Variants in MAN1A2 observed in about 807,000 individuals in gnomAD.
The protein encoded by MAN1A2 is mannosidase alpha class 1A member 2.
Under a neutral mutation model 75.7 loss-of-function variants are expected in MAN1A2, and 26 were observed. The ratio of observed to expected loss-of-function variants is 0.34; its 90% CI spans 0.25 to 0.48. The LOEUF is 0.48. MAN1A2 is among the 20% of genes least tolerant of loss of function. The pLI, the probability that MAN1A2 is intolerant of heterozygous loss-of-function variation, is 0.99. For missense variants in MAN1A2, 562 were observed against 775.5 expected, an observed-to-expected ratio of 0.72 and a Z score of 3.27; for synonymous variants, 247 against 264.6, an observed-to-expected ratio of 0.93 and a Z score of 0.65.
At chr1:117,468,605 TTTTAATTTAATTAACTTACATTTAA>T (rs995779209) in intron 8 of MAN1A2, among the ~76,000 whole-genome samples, 52 of 152,150 alleles carry the variant, frequency 3.4e-4, no homozygotes, top group Non-Finnish European at 6.6e-4. Context: ...ACATATTAAA[TTTTAATTTAATTAACTTACATTTAA>T]TTAGCTACTT....
chr1:117,485,450 A>G (rs1217394227), intron 8 of MAN1A2, among the ~76,000 whole-genome samples: 1 of 151,978 alleles, frequency 6.6e-6, no homozygotes, highest in Non-Finnish European at 1.5e-5. Flanking sequence ...AAAGATTTGA[A>G]GGCAAGGGGG....
At chr1:117,417,557 A>G (rs1439527836) in intron 4 of MAN1A2, among the ~76,000 whole-genome samples, 1 of 140,744 alleles carries the variant, frequency 7.1e-6, no homozygotes, top group Non-Finnish European at 1.5e-5. Flanking sequence ...ATATATATAT[A>G]TGTGATATAT....
chr1:117,414,044 C>G (rs1006017767), intron 3 of MAN1A2, among the ~76,000 whole-genome samples: 1 of 151,664 alleles, frequency 6.6e-6, no homozygotes, highest in African/African-American at 2.4e-5. Flanking sequence ...CTCTTGCTTT[C>G]TTCCCCTCAG....
intron 6 of MAN1A2, among the ~76,000 whole-genome samples, chr1:117,456,321 G>A (rs1649581333): frequency 6.6e-6 from 1 of 151,948 alleles, no homozygotes; most frequent in African/African-American, 2.4e-5. Flanking sequence ...TTATAAGCCA[G>A]ATTATGGCAT....
At chr1:117,513,219 A>C (rs1651601999) in intron 12 of MAN1A2, among the ~76,000 whole-genome samples, 2 of 152,138 alleles carry the variant, frequency 1.3e-5, no homozygotes, top group African/African-American at 4.8e-5. Context: ...AAGGATAATC[A>C]TTGTTTAAGG....
intron 12 of MAN1A2, chr1:117,515,057 G>C (rs1452528036): frequency 1.3e-5 from 4 of 298,512 alleles, no homozygotes; most frequent in African/African-American, 8.7e-5. Flanking sequence ...TTGGAGTCTG[G>C]TTTAGAAATC....
chr1:117,463,699 A>C (rs1649895910), intron 7 of MAN1A2, among the ~76,000 whole-genome samples: 1 of 150,370 alleles, frequency 6.7e-6, no homozygotes, highest in African/African-American at 2.4e-5. Context: ...TCCAGTTTCA[A>C]ATTTTAAAAA....
intron 8 of MAN1A2, among the ~76,000 whole-genome samples, chr1:117,480,270 C>G (rs1278943144): frequency 6.6e-6 from 1 of 151,848 alleles, no homozygotes; most frequent in Non-Finnish European, 1.5e-5. Context: ...CAGACTCAGC[C>G]TTATTTCTGA....
chr1:117,401,718 A>C (rs543877823), intron 1 of MAN1A2, among the ~76,000 whole-genome samples: 21 of 152,298 alleles, frequency 1.4e-4, no homozygotes, highest in African/African-American at 5.1e-4. Context: ...GTTACATTAT[A>C]GTATCTATGC....
chr1:117,509,129 T>A (rs1236185683), intron 12 of MAN1A2, among the ~76,000 whole-genome samples: 19 of 140,020 alleles, frequency 1.4e-4, no homozygotes, highest in Non-Finnish European at 2.8e-4. Flanking sequence ...AAAACATCTG[T>A]ACAAAAAAAA....
At chr1:117,514,984 G>T in intron 12 of MAN1A2, 1 of 480,322 alleles carries the variant, frequency 2.1e-6, no homozygotes, top group Non-Finnish European at 4.3e-6. Context: ...ATAAGTACCT[G>T]CTTTCTCAGA....
chr1:117,443,135 C>T (rs942512757), intron 6 of MAN1A2, among the ~76,000 whole-genome samples: 2 of 151,842 alleles, frequency 1.3e-5, no homozygotes, highest in African/African-American at 4.8e-5. Context: ...GCACTCAGAC[C>T]CTTTAGAATA....
chr1:117,514,562 A>G (rs149948038), intron 12 of MAN1A2, among the ~76,000 whole-genome samples: 1 of 152,284 alleles, frequency 6.6e-6, no homozygotes, highest in African/African-American at 2.4e-5. Context: ...ATGAATGCAC[A>G]GTTAGCTAGC....
At chr1:117,462,446 G>T (rs1649852223) in intron 7 of MAN1A2, among the ~76,000 whole-genome samples, 1 of 152,128 alleles carries the variant, frequency 6.6e-6, no homozygotes, top group Non-Finnish European at 1.5e-5. Context: ...AATTGTTGAA[G>T]TAAAAATAAT....
At chr1:117,430,036 C>A (rs1171253004) in intron 5 of MAN1A2, among the ~76,000 whole-genome samples, 8 of 41,062 alleles carry the variant, frequency 1.9e-4, no homozygotes, top group Non-Finnish European at 3.0e-4. Flanking sequence ...GGGGGGCTGA[C>A]CCCCCCACCT....
chr1:117,392,134 A>G (rs529508026), intron 1 of MAN1A2, among the ~76,000 whole-genome samples: 158 of 152,186 alleles, frequency 1.0e-3, no homozygotes, highest in African/African-American at 3.8e-3. Context: ...TCCAAGATTT[A>G]AGTACAATCA....
rs935682211 is a variant in MAN1A2, at chr1:117,402,600, G to GT, written c.558+170dup. Among the ~76,000 whole-genome samples the GT allele has an allele frequency of 6.8e-3, 949 of 139,406 alleles. 5 individuals carry two copies. Among genetic ancestry groups the GT allele is most frequent in the African/African-American group, 0.022 (823 of 38,132 alleles). The allele number at this position is 139,406 out of a possible 152,430, so 91.5% of individuals were successfully genotyped here. A position where few individuals can be genotyped will look rare whatever the true frequency, so the allele number is the denominator to read the frequency against. On this transcript the variant is annotated intron_variant, in intron 2 of 12. Coordinates refer to ENST00000356554, the MANE Select transcript of MAN1A2 (RefSeq NM_006699.5). ...GTAATAAGGACTAGAACTCTTTCTT[G>GT]TTTTTTTTTTTAATGTTAATTATAA...
chr1:117,476,970 T>C (rs562655537), intron 8 of MAN1A2, among the ~76,000 whole-genome samples: 30 of 152,232 alleles, frequency 2.0e-4, no homozygotes, highest in African/African-American at 6.5e-4. Context: ...TTTCACGATA[T>C]TGATTCTTCA....
chr1:117,374,775 G>A (rs1293257896), intron 1 of MAN1A2, among the ~76,000 whole-genome samples: 1 of 152,136 alleles, frequency 6.6e-6, no homozygotes, highest in African/African-American at 2.4e-5. Flanking sequence ...TCATGCATAT[G>A]AAATACAAGT....
Sources: gnomAD v4.1 joint callset for allele counts (sites outside exome capture counted in the v4.1 genomes callset) on GRCh38, gnomAD v4.1.1 for gene constraint, MANE v1.5 for transcripts, NCBI Gene and HGNC (gene_info 2026-07-23, HGNC 2026-07-21) for gene names.